Variants in PCDH9 observed in about 807,000 individuals in gnomAD.
The protein encoded by PCDH9 is protocadherin 9.
A neutral mutation model predicts 70.6 loss-of-function variants in PCDH9; 24 were observed. The observed-to-expected ratio is 0.34, with a 90% CI of 0.25 to 0.48. PCDH9 has a LOEUF of 0.48. PCDH9 is among the 20% of genes least tolerant of loss of function. The pLI is 0.99. For missense variants in PCDH9, 1,281 were observed against 1,503.6 expected, an observed-to-expected ratio of 0.85 and a Z score of 2.45; for synonymous variants, 562 against 558.5, an observed-to-expected ratio of 1.01 and a Z score of -0.09.
intron 2 of PCDH9, among the ~76,000 whole-genome samples, chr13:67,146,908 G>A (rs2087536612): frequency 6.6e-6 from 1 of 152,054 alleles, no homozygotes; most frequent in Non-Finnish European, 1.5e-5. Flanking sequence ...TTTCTGATAG[G>A]AAGTGAGATT....
chr13:67,026,563 G>T (rs1183601753), intron 2 of PCDH9, among the ~76,000 whole-genome samples: 1 of 152,008 alleles, frequency 6.6e-6, no homozygotes, highest in Admixed American at 6.6e-5. Flanking sequence ...GTTCTGGCCA[G>T]GGCAATTAGG....
At chr13:66,536,669 T>C (rs1032332048) in intron 4 of PCDH9, among the ~76,000 whole-genome samples, 2 of 152,124 alleles carry the variant, frequency 1.3e-5, no homozygotes. Context: ...TTCAAATGAA[T>C]AGATATAGCT....
At chr13:66,744,425 T>G (rs569833959) in intron 3 of PCDH9, among the ~76,000 whole-genome samples, 17 of 152,268 alleles carry the variant, frequency 1.1e-4, no homozygotes, top group Non-Finnish European at 2.5e-4. Flanking sequence ...TTTTAAAAAT[T>G]TATTTATTTT....
At chr13:66,934,844 C>T (rs547099669) in intron 2 of PCDH9, among the ~76,000 whole-genome samples, 44 of 145,228 alleles carry the variant, frequency 3.0e-4, no homozygotes, top group African/African-American at 1.1e-3. Context: ...CCTCAGCCTC[C>T]CGAGTAGCTG....
chr13:66,703,331 T>G (rs1235837770), intron 3 of PCDH9, among the ~76,000 whole-genome samples: 2 of 152,228 alleles, frequency 1.3e-5, no homozygotes, highest in Non-Finnish European at 2.9e-5. Context: ...AAATAACTTC[T>G]GGCTTTTATT....
intron 4 of PCDH9, among the ~76,000 whole-genome samples, chr13:66,337,009 AT>A (rs1268605022): frequency 1.3e-5 from 2 of 151,780 alleles, no homozygotes; most frequent in Admixed American, 1.3e-4. Flanking sequence ...CCTTATAATA[AT>A]TTTTTTTCTT....
chr13:67,007,329 A>G (rs9599173), intron 2 of PCDH9, among the ~76,000 whole-genome samples: 23,434 of 152,124 alleles, frequency 0.15, 1,970 homozygotes, highest in Middle Eastern at 0.22. Flanking sequence ...AAAAAACACA[A>G]ATAGGTTCCA....
chr13:66,959,515 G>T (rs2083312164), intron 2 of PCDH9, among the ~76,000 whole-genome samples: 1 of 152,056 alleles, frequency 6.6e-6, no homozygotes, highest in Admixed American at 6.5e-5. Flanking sequence ...TGGCTTGGAA[G>T]GCTCAGGTGG....
intron 4 of PCDH9, among the ~76,000 whole-genome samples, chr13:66,513,745 T>C (rs1220981568): frequency 6.6e-6 from 1 of 151,716 alleles, no homozygotes; most frequent in East Asian, 1.9e-4. Context: ...CTGAACTATA[T>C]CCTGACTATG....
intron 2 of PCDH9, among the ~76,000 whole-genome samples, chr13:67,048,133 A>G (rs260160): frequency 0.89 from 135,760 of 152,212 alleles, 60,636 homozygotes; most frequent in East Asian, 0.98. Flanking sequence ...CTTTATCCCT[A>G]AAGGAGATTT....
At chr13:66,638,611 C>T (rs896115147) in intron 3 of PCDH9, among the ~76,000 whole-genome samples, 2 of 151,982 alleles carry the variant, frequency 1.3e-5, no homozygotes, top group African/African-American at 2.4e-5. Context: ...TATTAACAAC[C>T]TCAAATAACG....
intron 2 of PCDH9, among the ~76,000 whole-genome samples, chr13:67,086,896 TAA>T (rs2086118199): frequency 6.6e-6 from 1 of 152,092 alleles, no homozygotes; most frequent in African/African-American, 2.4e-5. Flanking sequence ...TGTTCTATGT[TAA>T]GTTATTCAAT....
intron 4 of PCDH9, among the ~76,000 whole-genome samples, chr13:66,509,518 A>G (rs1265411389): frequency 1.3e-5 from 2 of 152,218 alleles, no homozygotes; most frequent in East Asian, 1.9e-4. Flanking sequence ...CTCATCCTCC[A>G]GAATGTTTCC....
intron 4 of PCDH9, among the ~76,000 whole-genome samples, chr13:66,526,924 C>CACT (rs1176528465): frequency 1.3e-5 from 2 of 152,258 alleles, no homozygotes; most frequent in Admixed American, 1.3e-4. Context: ...ATTGGATTTG[C>CACT]ACTACTACTA....
chr13:66,515,423 T>A (rs991233683), intron 4 of PCDH9, among the ~76,000 whole-genome samples: 1 of 151,916 alleles, frequency 6.6e-6, no homozygotes, highest in South Asian at 2.1e-4. Context: ...ATAATCTGAT[T>A]TTTAAATAAA....
rs779136351 is a variant in PCDH9, at chr13:67,227,929, G to C, written c.512C>G (p.Thr171Arg). 6.2e-7 allele frequency: 1 copy of C among 1,614,152 alleles called. No homozygotes were observed. Reference protein sequence around the residue: ...FPIPSATDPDTGFNGVQHYEL... With the variant: ...FPIPSATDPDRGFNGVQHYEL... ...ATAATGCTGTACACCATTGAAGCCT[G>C]TGTCAGGATCTGTTGCTGATGGAAT... The change falls in exon 2 of 5, where the codon ACA becomes AGA. Residue 171 changes from threonine (T) to arginine (R), a missense_variant. Physicochemically the swap from Thr to Arg is moderately conservative, Grantham distance 71 (BLOSUM62 -1). Around this residue, in one of 4 missense-constraint regions of PCDH9, gnomAD observed 798 missense variants for 1,003.1 expected, o/e 0.80. Coordinates refer to ENST00000377865, the MANE Select transcript of PCDH9 (RefSeq NM_203487.3). This position sits in a 1 kb window ranked among gnomAD's most constrained non-coding sequence, Gnocchi z 4.6.
intron 4 of PCDH9, among the ~76,000 whole-genome samples, chr13:66,371,966 GT>G (rs1026599127): frequency 2.0e-5 from 3 of 151,904 alleles, no homozygotes; most frequent in Non-Finnish European, 4.4e-5. Context: ...CTTTCTCCTT[GT>G]TTTTTCTCTG....
At position 66,579,319 on chromosome 13, in the gene PCDH9, T is replaced by C. The variant is rs543036951; in HGVS notation, c.3340+51891A>G. 4.6e-5 allele frequency among the ~76,000 whole-genome samples: 7 copies of C among 152,212 alleles called. No homozygotes were observed. In the South Asian group the frequency reaches 1.5e-3, roughly 32 times the overall value. On this transcript the variant is annotated intron_variant, in intron 4 of 4. Transcript: ENST00000377865. Reference sequence around the variant, plus strand: ...AAATCTACTACATAAAATGACTTCATATAAATATACTGAAGTATATCAGCA... The same window carrying C: ...AAATCTACTACATAAAATGACTTCACATAAATATACTGAAGTATATCAGCA...
chr13:66,886,440 TG>T (rs1232119764), intron 3 of PCDH9, among the ~76,000 whole-genome samples: 1 of 152,138 alleles, frequency 6.6e-6, no homozygotes, highest in African/African-American at 2.4e-5. Flanking sequence ...GCTTCTACTT[TG>T]AGCTTGCTGG....
Sources: allele counts gnomAD v4.1 joint callset (sites outside exome capture counted in the v4.1 genomes callset), GRCh38; gene constraint gnomAD v4.1.1; regional missense constraint gnomAD v4.1.1; non-coding constraint Gnocchi (gnomAD v3.1); transcripts MANE v1.5; gene names NCBI Gene and HGNC (gene_info 2026-07-23, HGNC 2026-07-21).